The following EYS variants were observed in gnomAD, a reference collection of about 807,000 sequenced individuals.
The protein encoded by EYS is protein eyes shut homolog.
A neutral mutation model predicts 282.1 loss-of-function variants in EYS; 250 were observed. That is an observed-to-expected ratio of 0.89 (90% confidence interval 0.80 to 0.98). The LOEUF is 0.98. Among genes scored for constraint, EYS ranks in the 50% least tolerant of loss-of-function variants. EYS has a pLI of 0.00. For synonymous variants in EYS, 1,355 were observed against 1,282.9 expected (o/e 1.06, Z -1.20); for missense variants, 4,016 against 3,709.0 (o/e 1.08, Z -2.15).
intron 31 of EYS, among the ~76,000 whole-genome samples, chr6:64,197,432 C>G (rs1328782392): frequency 6.6e-6 from 1 of 152,134 alleles, no homozygotes; most frequent in Non-Finnish European, 1.5e-5. Flanking sequence ...GTTTGAGAAG[C>G]TCAAGTTCAC....
At chr6:63,767,047 A>C (rs1366164708) in intron 40 of EYS, among the ~76,000 whole-genome samples, 1 of 151,986 alleles carries the variant, frequency 6.6e-6, no homozygotes, top group African/African-American at 2.4e-5. Context: ...TGTGTTAAAA[A>C]CCCTCAACAA....
chr6:63,830,931 G>T (rs1381710350), intron 36 of EYS, among the ~76,000 whole-genome samples: 1 of 152,214 alleles, frequency 6.6e-6, no homozygotes, highest in East Asian at 1.9e-4. Flanking sequence ...TAAAGAAAAG[G>T]ATTTTCAACC....
At chr6:64,404,374 TGTGA>T (rs61251026) in intron 28 of EYS, among the ~76,000 whole-genome samples, 3 of 75,168 alleles carry the variant, frequency 4.0e-5, no homozygotes, top group East Asian at 5.8e-4. Flanking sequence ...TAATATAGAG[TGTGA>T]GAGTGTGTGT....
chr6:63,868,452 AT>A (rs1287304511), intron 35 of EYS, among the ~76,000 whole-genome samples: 3 of 152,198 alleles, frequency 2.0e-5, no homozygotes, highest in Admixed American at 6.6e-5. Context: ...ACTTAAAAAA[AT>A]AAATAACTCT....
At chr6:64,525,883 A>G (rs1448377602) in intron 26 of EYS, among the ~76,000 whole-genome samples, 1 of 151,776 alleles carries the variant, frequency 6.6e-6, no homozygotes, top group Admixed American at 6.6e-5. Flanking sequence ...AAACCCAGAG[A>G]AATGAAAATT....
Position 64,092,930 on chromosome 6 carries a change from A to G in EYS, c.6425-10928T>C, listed in dbSNP as rs1439446907. On this transcript the variant is annotated intron_variant, in intron 31 of 42. Transcript: ENST00000503581. ...TAATCCATCTTGAATTAATTTTTGT[A>G]TAAGGTGTAAGGAAGGGATCCAGTT... Among the ~76,000 whole-genome samples the G allele has an allele frequency of 4.7e-5, 7 of 150,204 alleles. No individual in the cohort carries two copies. In the East Asian group the frequency reaches 9.8e-4, roughly 21 times the overall value.
In EYS at chr6:63,908,036, TTGTG is replaced by T. The variant is rs59753065; in HGVS notation, c.7056-43682_7056-43679del. ...CGTATATATATATATATATATACGT[TTGTG>T]TGTGTGTGTGTGTGTGTGTGTGTGT... On this transcript the variant is annotated intron_variant, in intron 35 of 42. Transcript: ENST00000503581. Among the ~76,000 whole-genome samples, 773 of 79,314 alleles carry T rather than the reference TTGTG, an allele frequency of 9.7e-3. 9 individuals carry two copies. Among genetic ancestry groups the T allele is most frequent in the Non-Finnish European group, 0.014 (519 of 36,858 alleles). The allele number at this position is 79,314 out of a possible 152,430, so 52.0% of individuals were successfully genotyped here. A position where few individuals can be genotyped will look rare whatever the true frequency, so the allele number is the denominator to read the frequency against.
At chr6:65,700,558 C>G (rs1046928390) in intron 1 of EYS, among the ~76,000 whole-genome samples, 1 of 152,108 alleles carries the variant, frequency 6.6e-6, no homozygotes, top group African/African-American at 2.4e-5. Context: ...TATCCTACTT[C>G]TTTAATATTT....
At chr6:65,497,672 A>T (rs1766303319) in intron 2 of EYS, among the ~76,000 whole-genome samples, 1 of 152,076 alleles carries the variant, frequency 6.6e-6, no homozygotes, top group East Asian at 1.9e-4. Context: ...TTAACAAAAT[A>T]AATAAATAAA....
chr6:64,018,284 C>T (rs903486515), intron 33 of EYS, among the ~76,000 whole-genome samples: 2 of 152,074 alleles, frequency 1.3e-5, no homozygotes, highest in African/African-American at 4.8e-5. Context: ...TAGTTGTGAC[C>T]TAGATATAGT....
At chr6:64,904,126 T>C (rs546323809) in intron 16 of EYS, among the ~76,000 whole-genome samples, 14 of 152,046 alleles carry the variant, frequency 9.2e-5, no homozygotes, top group Non-Finnish European at 1.8e-4. Flanking sequence ...ATAACAACAA[T>C]GATAGGTTAA....
At chr6:64,339,421 A>G (rs1771002389) in intron 29 of EYS, among the ~76,000 whole-genome samples, 1 of 151,974 alleles carries the variant, frequency 6.6e-6, no homozygotes, top group South Asian at 2.1e-4. Flanking sequence ...TTAAAACCAC[A>G]CTGTGTTATC....
intron 26 of EYS, among the ~76,000 whole-genome samples, chr6:64,586,328 C>A (rs1766232858): frequency 6.6e-6 from 1 of 152,000 alleles, no homozygotes; most frequent in South Asian, 2.1e-4. Flanking sequence ...AATACCCATT[C>A]TGTGGTATTT....
chr6:63,812,848 T>C (rs927643309), intron 36 of EYS, among the ~76,000 whole-genome samples: 4 of 152,198 alleles, frequency 2.6e-5, no homozygotes, highest in Non-Finnish European at 5.9e-5. Flanking sequence ...AGTCCTTTCC[T>C]CTAAAAAATG....
intron 26 of EYS, among the ~76,000 whole-genome samples, chr6:64,445,408 C>T (rs1248338928): frequency 6.6e-6 from 1 of 151,910 alleles, no homozygotes; most frequent in African/African-American, 2.4e-5. Context: ...AAGTTTTTAC[C>T]TTCCTAAATA....
In EYS at chr6:64,470,028, G is replaced by A. The variant is rs540045258; in HGVS notation, c.5645-30676C>T. 2.6e-3 allele frequency among the ~76,000 whole-genome samples: 399 copies of A among 152,156 alleles called. 2 individuals carry two copies. The highest frequency in any genetic ancestry group is 8.9e-3 in the African/African-American group (370 of 41,522). ...GAAGGGCCCCCTATCCAATGGACACGTGACCCACGTGACCTTACCTATCAC... is the reference window on the plus strand; with the variant it reads ...GAAGGGCCCCCTATCCAATGGACACATGACCCACGTGACCTTACCTATCAC... On this transcript the variant is annotated intron_variant, in intron 26 of 42. Transcript: ENST00000503581.
chr6:63,971,996 A>G (rs1272853866), intron 35 of EYS, among the ~76,000 whole-genome samples: 8 of 152,206 alleles, frequency 5.3e-5, no homozygotes, highest in Non-Finnish European at 8.8e-5. Context: ...AGTCTTCTAA[A>G]AGTAGAAACA....
chr6:64,552,527 C>T (rs550280706), intron 26 of EYS, among the ~76,000 whole-genome samples: 53 of 152,210 alleles, frequency 3.5e-4, no homozygotes, highest in African/African-American at 1.2e-3. Flanking sequence ...AATAAGAACC[C>T]GGGTCTCTAA....
At chr6:65,333,197 G>A (rs758531237) in intron 11 of EYS, among the ~76,000 whole-genome samples, 11 of 151,208 alleles carry the variant, frequency 7.3e-5, no homozygotes, top group South Asian at 2.1e-4. Flanking sequence ...AATTTTATTC[G>A]CAGCACTGCA....
Sources: allele counts gnomAD v4.1 joint callset (sites outside exome capture counted in the v4.1 genomes callset), GRCh38; gene constraint gnomAD v4.1.1; transcripts MANE v1.5; gene names NCBI Gene and HGNC (gene_info 2026-07-23, HGNC 2026-07-21).